The following TPRG1 variants were observed in gnomAD, a reference collection of about 807,000 sequenced individuals.
The protein encoded by TPRG1 is tumor protein p63 regulated 1, also known as tumor protein p63-regulated gene 1 protein.
TPRG1 carries 29 observed loss-of-function variants against 29.3 expected under a neutral mutation model. The ratio of observed to expected loss-of-function variants is 0.99; its 90% CI spans 0.74 to 1.35. The LOEUF (loss-of-function observed/expected upper bound fraction) is 1.35. TPRG1 is among the 40% of genes most tolerant of loss of function. The pLI, the probability that TPRG1 is intolerant of heterozygous loss-of-function variation, is 0.00. For synonymous variants in TPRG1, 130 were observed against 116.8 expected, an observed-to-expected ratio of 1.11 and a Z score of -0.73; for missense variants, 327 against 335.0, an observed-to-expected ratio of 0.98 and a Z score of 0.19.
intron 3 of TPRG1, among the ~76,000 whole-genome samples, chr3:189,014,314 T>C (rs1386152972): frequency 6.6e-6 from 1 of 152,206 alleles, no homozygotes; most frequent in African/African-American, 2.4e-5. Context: ...TTTTTTTCCT[T>C]TAAGAAAGTT....
intron 3 of TPRG1, among the ~76,000 whole-genome samples, chr3:189,022,905 C>A (rs1017690484): frequency 1.3e-5 from 2 of 152,242 alleles, no homozygotes; most frequent in Non-Finnish European, 2.9e-5. Context: ...ACCCTCCGAG[C>A]CAGGTGCCGG....
chr3:189,284,664 T>TA (rs1196432787), intron 4 of TPRG1, among the ~76,000 whole-genome samples: 1 of 152,148 alleles, frequency 6.6e-6, no homozygotes, highest in Admixed American at 6.5e-5. Context: ...GCAATAAACA[T>TA]ATGTGTGCAT....
chr3:189,003,075 A>G (rs1019046856), intron 2 of TPRG1, among the ~76,000 whole-genome samples: 31 of 152,318 alleles, frequency 2.0e-4, no homozygotes, highest in African/African-American at 7.5e-4. Flanking sequence ...TAGGTGTATT[A>G]AAGGCATAAC....
chr3:189,239,614 A>G (rs986030696), intron 4 of TPRG1, among the ~76,000 whole-genome samples: 6 of 152,228 alleles, frequency 3.9e-5, no homozygotes, highest in Non-Finnish European at 7.3e-5. Flanking sequence ...AATATTGGGC[A>G]GGAGTTAGCC....
intron 1 of TPRG1, among the ~76,000 whole-genome samples, chr3:189,124,685 CTATT>C (rs531085351): frequency 3.9e-5 from 6 of 152,178 alleles, no homozygotes; most frequent in Middle Eastern, 3.4e-3. Context: ...TATGAGGAAA[CTATT>C]TATCTTACAT....
chr3:189,134,429 T>C (rs1443813751), intron 3 of TPRG1, among the ~76,000 whole-genome samples: 2 of 124,488 alleles, frequency 1.6e-5, no homozygotes, highest in African/African-American at 7.7e-5. Context: ...TTTTTTTTTT[T>C]TGAGACAGAG....
At chr3:189,263,494 C>A (rs1286105440) in intron 4 of TPRG1, among the ~76,000 whole-genome samples, 1 of 152,138 alleles carries the variant, frequency 6.6e-6, no homozygotes, top group Non-Finnish European at 1.5e-5. Context: ...TTTGGAGGAG[C>A]TAGAATAATT....
intron 5 of TPRG1, among the ~76,000 whole-genome samples, chr3:189,159,221 A>G (rs1044831855): frequency 6.6e-6 from 1 of 152,208 alleles, no homozygotes; most frequent in Admixed American, 6.5e-5. Flanking sequence ...AGCCATACAC[A>G]TAAAAAAAGA....
intron 3 of TPRG1, among the ~76,000 whole-genome samples, chr3:189,010,916 C>A (rs765607239): frequency 1.2e-4 from 19 of 152,238 alleles, no homozygotes; most frequent in Middle Eastern, 3.4e-3. Flanking sequence ...AATCTTTAAT[C>A]CAGCTTGAGT....
chr3:189,195,738 TC>T (rs1179170889), intron 1 of TPRG1, among the ~76,000 whole-genome samples: 1 of 152,090 alleles, frequency 6.6e-6, no homozygotes, highest in Non-Finnish European at 1.5e-5. Context: ...TGATGGGGAT[TC>T]CTAGGATCCT....
chr3:189,294,257 T>C (rs1174403482), intron 4 of TPRG1, among the ~76,000 whole-genome samples: 1 of 150,382 alleles, frequency 6.6e-6, no homozygotes, highest in African/African-American at 2.5e-5. Context: ...AGTACTTAGA[T>C]ACCATGTCAC....
In TPRG1 at chr3:189,156,528, A is replaced by T. The variant is rs142675273; in HGVS notation, c.-10+5656A>T. On this transcript the variant is annotated intron_variant, in intron 5 of 6. Coordinates refer to the TPRG1 transcript ENST00000412373. ...TACAAGTTTGTGAAGAGCAACTGGA[A>T]GGATGGAGTGCCTTTTACTGGGGAA... Among the ~76,000 whole-genome samples the T allele has an allele frequency of 1.2e-3, 189 of 152,302 alleles. 1 individual carries two copies. Among genetic ancestry groups the T allele is most frequent in the African/African-American group, 4.1e-3 (170 of 41,554 alleles).
At chr3:189,220,707 A>G (rs1375704090) in intron 3 of TPRG1, among the ~76,000 whole-genome samples, 2 of 152,098 alleles carry the variant, frequency 1.3e-5, no homozygotes, top group Non-Finnish European at 2.9e-5. Flanking sequence ...CTGTTCCTGT[A>G]TTAGTTTGCT....
intron 1 of TPRG1, among the ~76,000 whole-genome samples, chr3:189,191,313 T>C (rs1241664080): frequency 1.3e-5 from 2 of 152,330 alleles, no homozygotes; most frequent in East Asian, 3.9e-4. Context: ...TTCTGAACTG[T>C]CCACTTTTAT....
chr3:189,110,248 T>C (rs921606921), intron 1 of TPRG1, among the ~76,000 whole-genome samples: 3 of 152,208 alleles, frequency 2.0e-5, no homozygotes, highest in Non-Finnish European at 4.4e-5. Context: ...GGAGTTCTAG[T>C]TACTCCACCT....
chr3:189,267,355 T>C (rs569019104), intron 4 of TPRG1, among the ~76,000 whole-genome samples: 1 of 152,356 alleles, frequency 6.6e-6, no homozygotes, highest in African/African-American at 2.4e-5. Context: ...TGCATGACTT[T>C]ATACATTGGC....
intron 3 of TPRG1, among the ~76,000 whole-genome samples, chr3:189,017,762 G>A (rs1424198466): frequency 2.0e-5 from 3 of 152,140 alleles, no homozygotes; most frequent in Non-Finnish European, 2.9e-5. Flanking sequence ...GGATGGCTGG[G>A]TCAAATGGTA....
chr3:189,047,209 G>A (rs1221330073), intron 4 of TPRG1, among the ~76,000 whole-genome samples: 1 of 152,062 alleles, frequency 6.6e-6, no homozygotes, highest in Non-Finnish European at 1.5e-5. Flanking sequence ...TGGAGATACT[G>A]TTGATTTGCT....
intron 4 of TPRG1, among the ~76,000 whole-genome samples, chr3:189,290,995 G>A (rs990971768): frequency 6.6e-5 from 10 of 152,104 alleles, no homozygotes; most frequent in Middle Eastern, 3.4e-3. Flanking sequence ...CTCCGCCTCC[G>A]GGTTCACGCC....
Sources: allele counts gnomAD v4.1 joint callset (sites outside exome capture counted in the v4.1 genomes callset), GRCh38; gene constraint gnomAD v4.1.1; transcripts MANE v1.5; gene names NCBI Gene and HGNC (gene_info 2026-07-23, HGNC 2026-07-21).